Variants in CPED1 observed in about 807,000 individuals in gnomAD.
The protein encoded by CPED1 is cadherin-like and PC-esterase domain-containing protein 1.
CPED1 carries 114 observed loss-of-function variants against 128.2 expected under a neutral mutation model. The observed-to-expected ratio is 0.89, with a 90% CI of 0.76 to 1.04. The LOEUF (loss-of-function observed/expected upper bound fraction) is 1.04. Among genes scored for constraint, CPED1 ranks in the 50% least tolerant of loss-of-function variants. The probability of loss-of-function intolerance (pLI) is 0.00; values close to 1 mark genes in which losing one functional copy is unlikely to be tolerated. For synonymous variants in CPED1, 462 were observed against 426.7 expected (o/e 1.08, Z -1.02); for missense variants, 1,211 against 1,207.1 (o/e 1.00, Z -0.05).
intron 17 of CPED1, among the ~76,000 whole-genome samples, 185 bp downstream of exon 17, chr7:121,237,016 T>A (rs1435959936): frequency 1.3e-5 from 2 of 152,152 alleles, no homozygotes; most frequent in Middle Eastern, 3.2e-3. Flanking sequence ...GATTAATCAA[T>A]TATTTTCTTC....
At chr7:121,120,867 C>T (rs1795365413) in intron 7 of CPED1, among the ~76,000 whole-genome samples, 1 of 146,416 alleles carries the variant, frequency 6.8e-6, no homozygotes, top group Non-Finnish European at 1.5e-5. Flanking sequence ...TCTGTGGTTT[C>T]TGTAATGTCA....
At position 121,047,646 on chromosome 7, in the gene CPED1, T is replaced by TTTCTTC. The variant is rs201842531; in HGVS notation, c.540+719_540+724dup. ...TACAATTCGCCATCTAGATAGCACC[T>TTTCTTC]TTCTTCTTCTTCTTCTTCTTCTTCT... On this transcript the variant is annotated intron_variant, in intron 4 of 22. Coordinates refer to ENST00000310396, the MANE Select transcript of CPED1 (RefSeq NM_024913.5). 7.9e-3 allele frequency among the ~76,000 whole-genome samples: 970 copies of TTTCTTC among 123,002 alleles called. 21 individuals are homozygous for TTTCTTC. Among genetic ancestry groups the TTTCTTC allele is most frequent in the East Asian group, 0.019 (85 of 4,404 alleles). The allele number at this position is 123,002 out of a possible 152,430, so 80.7% of individuals were successfully genotyped here.
rs1203270405 is a variant in CPED1 at position 121,086,202 on chromosome 7, G to T, written c.617-11497G>T. ...ACAGTTTTGTGTCATTTAAGGGAAA[G>T]AACTTTCAACTGTATTTGTAGCAGG... On this transcript the variant is annotated intron_variant, in intron 5 of 22. Coordinates refer to ENST00000310396, the MANE Select transcript of CPED1 (RefSeq NM_024913.5). 2.0e-5 allele frequency among the ~76,000 whole-genome samples: 3 copies of T among 152,108 alleles called. No homozygotes were observed. In the East Asian group the frequency reaches 5.8e-4, roughly 29 times the overall value.
intron 16 of CPED1, among the ~76,000 whole-genome samples, chr7:121,225,490 T>C (rs1408096805): frequency 6.6e-6 from 1 of 152,092 alleles, no homozygotes; most frequent in Non-Finnish European, 1.5e-5. Context: ...ATCTTTGTGG[T>C]GATCTCTGTA....
intron 11 of CPED1, among the ~76,000 whole-genome samples, chr7:121,129,061 C>G (rs1276847259): frequency 6.6e-6 from 1 of 151,534 alleles, no homozygotes; most frequent in East Asian, 1.9e-4. Flanking sequence ...TGGTTAGTAT[C>G]AAAGGATAAT....
At chr7:121,290,735 A>T (rs982752014) in intron 22 of CPED1, among the ~76,000 whole-genome samples, 4 of 151,780 alleles carry the variant, frequency 2.6e-5, no homozygotes, top group Admixed American at 6.6e-5. Context: ...GCAAAAATTT[A>T]CTCCCATTCT....
At chr7:121,262,338 A>G (rs6949462) in intron 18 of CPED1, among the ~76,000 whole-genome samples, 11,218 of 152,084 alleles carry the variant, frequency 0.074, 1,314 homozygotes, top group African/African-American at 0.25. Context: ...AGACAGACTA[A>G]TGTAACAATT....
At chr7:121,218,362 T>A (rs1013171409) in intron 16 of CPED1, among the ~76,000 whole-genome samples, 1 of 151,978 alleles carries the variant, frequency 6.6e-6, no homozygotes, top group Admixed American at 6.6e-5. Context: ...ACTGCATCTT[T>A]TATTAAATAT....
chr7:121,129,196 C>A (rs1795584726), intron 11 of CPED1, among the ~76,000 whole-genome samples: 1 of 149,708 alleles, frequency 6.7e-6, no homozygotes, highest in South Asian at 2.1e-4. Flanking sequence ...TTTGAAATAG[C>A]ATTCTTAATC....
chr7:121,082,677 C>A (rs1794322936), intron 5 of CPED1, among the ~76,000 whole-genome samples: 1 of 152,026 alleles, frequency 6.6e-6, no homozygotes, highest in South Asian at 2.1e-4. Flanking sequence ...ATATTCATGC[C>A]TTTTTTAGAT....
chr7:121,007,230 CATTTTTT>C (rs1298295331), intron 2 of CPED1, among the ~76,000 whole-genome samples: 2 of 115,848 alleles, frequency 1.7e-5, no homozygotes, highest in Admixed American at 1.9e-4. Flanking sequence ...GTTCAGGTTG[CATTTTTT>C]TTTTTTTTTT....
chr7:121,237,314 A>G (rs1290000852), intron 17 of CPED1, among the ~76,000 whole-genome samples: 1 of 152,182 alleles, frequency 6.6e-6, no homozygotes, highest in Admixed American at 6.5e-5. Flanking sequence ...TAGTTAGAAA[A>G]TAAATATCTG....
At chr7:121,150,929 C>G (rs1048921617) in intron 16 of CPED1, among the ~76,000 whole-genome samples, 1 of 151,996 alleles carries the variant, frequency 6.6e-6, no homozygotes, top group Non-Finnish European at 1.5e-5. Context: ...CCACCACACC[C>G]GGCTAATTTT....
intron 16 of CPED1, among the ~76,000 whole-genome samples, chr7:121,178,483 G>T (rs1796832322): frequency 6.6e-6 from 1 of 152,002 alleles, no homozygotes; most frequent in Non-Finnish European, 1.5e-5. Context: ...AGCTTGATGA[G>T]AAAGATCCAC....
chr7:121,153,893 G>T (rs932393825), intron 16 of CPED1, among the ~76,000 whole-genome samples: 1 of 152,086 alleles, frequency 6.6e-6, no homozygotes, highest in African/African-American at 2.4e-5. Context: ...ATAAGAAAAA[G>T]TTAGGTATGT....
intron 4 of CPED1, among the ~76,000 whole-genome samples, chr7:121,050,627 C>T (rs897530936): frequency 6.6e-6 from 1 of 152,076 alleles, no homozygotes; most frequent in Non-Finnish European, 1.5e-5. Context: ...CCACACCCAG[C>T]TAATTTTTTG....
intron 16 of CPED1, among the ~76,000 whole-genome samples, chr7:121,161,414 G>A (rs1368329972): frequency 6.6e-6 from 1 of 152,108 alleles, no homozygotes; most frequent in African/African-American, 2.4e-5. Context: ...TCCTAAGCCA[G>A]CAATGGGGAC....
intron 2 of CPED1, among the ~76,000 whole-genome samples, chr7:121,012,444 T>C (rs1394988991): frequency 6.6e-6 from 1 of 152,226 alleles, no homozygotes; most frequent in African/African-American, 2.4e-5. Context: ...GTTGTAGTGG[T>C]GGCCAGGTGA....
intron 7 of CPED1, among the ~76,000 whole-genome samples, chr7:121,118,397 T>G (rs1385467342): frequency 2.0e-5 from 3 of 151,944 alleles, no homozygotes; most frequent in Admixed American, 6.6e-5. Context: ...CTGTCTCTAC[T>G]GAAAATACAA....
Sources: gnomAD v4.1 joint callset for allele counts (sites outside exome capture counted in the v4.1 genomes callset) on GRCh38, gnomAD v4.1.1 for gene constraint, MANE v1.5 for transcripts, NCBI Gene and HGNC (gene_info 2026-07-23, HGNC 2026-07-21) for gene names.